VPS37C: variants seen among roughly 807,000 people sequenced by gnomAD.
The protein encoded by VPS37C is VPS37C subunit of ESCRT-I, also known as vacuolar protein sorting-associated protein 37C.
In VPS37C, 9 loss-of-function variants were observed where a neutral mutation model predicts 16.1. That is an observed-to-expected ratio of 0.56 (90% CI 0.34 to 0.97). The LOEUF (loss-of-function observed/expected upper bound fraction) is 0.97, where lower values mean the gene tolerates loss of function less well. Ranked by LOEUF, VPS37C falls within the 50% of genes least tolerant of loss-of-function variation. The pLI is 0.02. For synonymous variants in VPS37C, 207 were observed against 206.4 expected, an observed-to-expected ratio of 1.00 and a Z score of -0.02; for missense variants, 479 against 472.7, an observed-to-expected ratio of 1.01 and a Z score of -0.12.
chr11:61,142,950 A>T (rs12283209), intron 1 of VPS37C, among the ~76,000 whole-genome samples: 3,792 of 37,734 alleles, frequency 0.1, 236 homozygotes, highest in African/African-American at 0.3. Flanking sequence ...AACTTAAAGT[A>T]TAATAAAAAA....
At chr11:61,157,292 T>C (rs1347796898) in intron 1 of VPS37C, among the ~76,000 whole-genome samples, 4 of 152,248 alleles carry the variant, frequency 2.6e-5, no homozygotes, top group Non-Finnish European at 4.4e-5. Flanking sequence ...AATTCTATGT[T>C]TAATTTTTTG....
Position 61,131,955 on chromosome 11 carries a change from G to A in VPS37C, c.933C>T (p.Tyr311=). 1 of 1,319,724 alleles carries A rather than the reference G, an allele frequency of 7.6e-7. No individual in the cohort carries two copies. The highest frequency in any genetic ancestry group is 9.7e-7 in the Non-Finnish European group (1 of 1,028,784). The allele number at this position is 1,319,724 out of a possible 1,614,324, so 81.8% of individuals were successfully genotyped here. Reference sequence around the variant, plus strand: ...AGCTGGGGAGCTGAGGCTGTATTGGGTAGGGAGGTTTTCCTCCTGTTGCGG... The same window carrying A: ...AGCTGGGGAGCTGAGGCTGTATTGGATAGGGAGGTTTTCCTCCTGTTGCGG... ...PYPATGGKPP[Y]PIQPQLPSFP... Residue 311 remains tyrosine (Y), a synonymous_variant, in exon 5 of 5, where the codon TAC becomes TAT. Transcript: ENST00000301765.
intron 2 of VPS37C, among the ~76,000 whole-genome samples, 172 bp from the exon 3 acceptor site, chr11:61,134,379 T>A (rs966617274): frequency 6.6e-6 from 1 of 152,194 alleles, no homozygotes; most frequent in Non-Finnish European, 1.5e-5. Context: ...AAACCCTGAA[T>A]GAAGTACTCT....
intron 1 of VPS37C, among the ~76,000 whole-genome samples, chr11:61,160,253 A>C (rs1295832050): frequency 6.6e-6 from 1 of 152,216 alleles, no homozygotes; most frequent in East Asian, 1.9e-4. Context: ...CGCAAAGAAC[A>C]AAGACTCAGT....
chr11:61,142,975 TAAAAAAAAAAAAA>T, intron 1 of VPS37C, among the ~76,000 whole-genome samples: 2 of 47,590 alleles, frequency 4.2e-5, no homozygotes, highest in African/African-American at 1.5e-4. Flanking sequence ...AAAGAATAGC[TAAAAAAAAAAAAA>T]AAAAAAAAAA....
At chr11:61,155,812 A>T (rs770526969) in intron 1 of VPS37C, among the ~76,000 whole-genome samples, 1 of 152,376 alleles carries the variant, frequency 6.6e-6, no homozygotes, top group Non-Finnish European at 1.5e-5. Flanking sequence ...AAAAATGTTA[A>T]ACGAACAAGT....
At chr11:61,153,607 G>C (rs1853334656) in intron 1 of VPS37C, among the ~76,000 whole-genome samples, 1 of 152,178 alleles carries the variant, frequency 6.6e-6, no homozygotes, top group South Asian at 2.1e-4. Flanking sequence ...CACATAAAAT[G>C]ATAGTTTGTA....
At chr11:61,151,360 G>A (rs763548331) in intron 1 of VPS37C, among the ~76,000 whole-genome samples, 4 of 152,154 alleles carry the variant, frequency 2.6e-5, no homozygotes, top group East Asian at 1.9e-4. Flanking sequence ...CAGATGTACC[G>A]GCCCAGGAGC....
Position 61,134,079 on chromosome 11 carries a change from G to A in VPS37C, c.222C>T (p.Leu74=). 6.2e-7 allele frequency: 1 copy of A among 1,613,368 alleles called. No homozygotes were observed. The change falls in exon 3 of 5, where the codon CTC becomes CTT. Residue 74 remains leucine (L), a synonymous_variant. Transcript: ENST00000301765. The part of the protein sequence containing the change: ...RSNLSDRYQE[L]RKLVERCQEQ... ...CCTGGCACCGCTCCACGAGCTTCCGGAGCTCCTGGTATCTATCCGAGAGGT... is the reference window on the plus strand; with the variant it reads ...CCTGGCACCGCTCCACGAGCTTCCGAAGCTCCTGGTATCTATCCGAGAGGT...
intron 1 of VPS37C, 122 bp from the exon 2 acceptor site, chr11:61,138,957 G>C: frequency 1.2e-6 from 1 of 844,014 alleles, no homozygotes; most frequent in South Asian, 1.5e-5. Flanking sequence ...CACTCCACCG[G>C]GAGGCTCGAG....
At chr11:61,161,009 C>T (rs896691869) in intron 1 of VPS37C, 42 of 152,544 alleles carry the variant, frequency 2.8e-4, no homozygotes, top group African/African-American at 9.9e-4. Context: ...ACTCTTAGGC[C>T]TCAGCTTCCC....
At chr11:61,147,490 C>T (rs951692858) in intron 1 of VPS37C, among the ~76,000 whole-genome samples, 1 of 152,070 alleles carries the variant, frequency 6.6e-6, no homozygotes, top group East Asian at 1.9e-4. Flanking sequence ...GGCAGCGCCA[C>T]GTCCCCAGCA....
intron 1 of VPS37C, among the ~76,000 whole-genome samples, chr11:61,146,620 G>T (rs984015049): frequency 6.6e-6 from 1 of 152,180 alleles, no homozygotes; most frequent in African/African-American, 2.4e-5. Context: ...GGCTGCACAG[G>T]TTCACAGGTA....
chr11:61,161,237 A>G (rs1853468718), intron 1 of VPS37C, 154 bp downstream of exon 1: 1 of 150,568 alleles, frequency 6.6e-6, no homozygotes, highest in African/African-American at 2.4e-5. Context: ...CCCCGGCGAG[A>G]GTCACGCGCC....
At chr11:61,135,022 A>G (rs1861341217) in intron 2 of VPS37C, among the ~76,000 whole-genome samples, 1 of 152,232 alleles carries the variant, frequency 6.6e-6, no homozygotes, top group African/African-American at 2.4e-5. Context: ...GCCAGCAGTG[A>G]CAGTACACTG....
intron 1 of VPS37C, among the ~76,000 whole-genome samples, chr11:61,150,086 A>G (rs567510127): frequency 4.3e-4 from 65 of 151,956 alleles, no homozygotes; most frequent in Middle Eastern, 3.4e-3. Flanking sequence ...ACACACCTGC[A>G]TTCCAGCATT....
At position 61,132,427 on chromosome 11, in the gene VPS37C, T is replaced by C. The variant is rs1196943180; in HGVS notation, c.461A>G (p.Gln154Arg). 6.2e-7 allele frequency: 1 copy of C among 1,611,444 alleles called. No individual in the cohort carries two copies. The highest frequency in any genetic ancestry group is 1.3e-5 in the African/African-American group (1 of 74,816). ...HLRRVRVEKL[Q>R]EVVRKPRASQ... ...AGCCCTGGGCTTCCTCACCACTTCC[T>C]GGAGCTTTTCCACGCGAACCCGGCG... Residue 154 changes from glutamine (Q) to arginine (R), a missense_variant, in exon 5 of 5, where the codon CAG (glutamine) becomes CGG (arginine). Coordinates refer to ENST00000301765, the MANE Select transcript of VPS37C (RefSeq NM_017966.5).
At position 61,132,284 on chromosome 11, in the gene VPS37C, G is replaced by C; in HGVS notation, c.604C>G (p.Pro202Ala). Residue 202 changes from proline to alanine, a missense_variant, in exon 5 of 5, where the codon CCC becomes GCC. Coordinates refer to ENST00000301765, the MANE Select transcript of VPS37C (RefSeq NM_017966.5). ...GATGGGCTGTAGGGCAAAGGGTAGG[G>C]AGGCATGGCTAATGGTGGCTGCGGC... ...EQPQPPLAMP[P>A]YPLPYSPSPS... 1 of 1,572,852 alleles carries C rather than the reference G, an allele frequency of 6.4e-7. No homozygotes were observed. The highest frequency in any genetic ancestry group is 2.3e-5 in the East Asian group (1 of 44,146).
intron 1 of VPS37C, among the ~76,000 whole-genome samples, chr11:61,148,816 A>G (rs933361859): frequency 6.6e-6 from 1 of 152,154 alleles, no homozygotes; most frequent in Non-Finnish European, 1.5e-5. Context: ...AGCTCACTTC[A>G]CAGCCTCAAA....
Sources: gnomAD v4.1 joint callset for allele counts (sites outside exome capture counted in the v4.1 genomes callset) on GRCh38, gnomAD v4.1.1 for gene constraint, MANE v1.5 for transcripts, NCBI Gene and HGNC (gene_info 2026-07-23, HGNC 2026-07-21) for gene names.